CDH4: variants seen among roughly 807,000 people sequenced by gnomAD.
CDH4 encodes the protein cadherin-4.
In CDH4, 33 loss-of-function variants were observed where a neutral mutation model predicts 86.0. The observed-to-expected ratio is 0.38, with a 90% CI of 0.29 to 0.51. CDH4 has a LOEUF of 0.51. Among genes scored for constraint, CDH4 ranks in the 20% least tolerant of loss-of-function variants. CDH4 has a pLI of 0.86. For synonymous variants in CDH4, 555 were observed against 549.4 expected, an observed-to-expected ratio of 1.01 and a Z score of -0.14; for missense variants, 1,114 against 1,307.4, an observed-to-expected ratio of 0.85 and a Z score of 2.28.
At chr20:61,504,361 T>A (rs1477162690) in intron 2 of CDH4, among the ~76,000 whole-genome samples, 1 of 152,240 alleles carries the variant, frequency 6.6e-6, no homozygotes, top group Non-Finnish European at 1.5e-5. Flanking sequence ...TTTTTCTCAC[T>A]GTCTCCAGAG....
intron 2 of CDH4, among the ~76,000 whole-genome samples, chr20:61,555,161 G>A (rs1051546852): frequency 6.6e-6 from 1 of 152,202 alleles, no homozygotes; most frequent in Non-Finnish European, 1.5e-5. Flanking sequence ...CATGCATGGG[G>A]TTGCCCTTAC....
chr20:61,299,598 G>A (rs1157440264), intron 2 of CDH4, among the ~76,000 whole-genome samples: 1 of 152,122 alleles, frequency 6.6e-6, no homozygotes, highest in East Asian at 1.9e-4. Context: ...TCCTGCTAGG[G>A]CTGAAAGTTC....
chr20:61,267,649 G>A, intron 2 of CDH4, among the ~76,000 whole-genome samples: 1 of 152,152 alleles, frequency 6.6e-6, no homozygotes, highest in East Asian at 1.9e-4. Flanking sequence ...TTATAGCTCA[G>A]ATAATATCAC....
intron 2 of CDH4, among the ~76,000 whole-genome samples, chr20:61,431,789 G>T (rs1007248270): frequency 3.3e-5 from 5 of 152,062 alleles, no homozygotes; most frequent in Non-Finnish European, 5.9e-5. Context: ...TTGCCCCTTG[G>T]ACAGTCTCTC....
At chr20:61,695,593 C>T (rs929573441) in intron 2 of CDH4, among the ~76,000 whole-genome samples, 14 of 152,138 alleles carry the variant, frequency 9.2e-5, no homozygotes, top group African/African-American at 3.4e-4. Context: ...TGTGAGGTTC[C>T]ACATGGCGGT....
chr20:61,654,297 C>G (rs964692405), intron 2 of CDH4, among the ~76,000 whole-genome samples: 1 of 152,172 alleles, frequency 6.6e-6, no homozygotes, highest in Non-Finnish European at 1.5e-5. Flanking sequence ...TGGTGGCACG[C>G]GCCTGCAATC....
intron 2 of CDH4, among the ~76,000 whole-genome samples, chr20:61,652,861 G>GTTTA (rs869036069): frequency 1.2e-5 from 1 of 85,348 alleles, no homozygotes; most frequent in South Asian, 3.3e-4. Flanking sequence ...TTTTTTTTGG[G>GTTTA]GGGGGGATAA....
intron 2 of CDH4, among the ~76,000 whole-genome samples, chr20:61,479,206 T>C (rs2085555835): frequency 6.6e-6 from 1 of 150,392 alleles, no homozygotes; most frequent in African/African-American, 2.5e-5. Context: ...TGCAAGGGTG[T>C]TTTTTTTTAA....
At chr20:61,485,884 C>T (rs2085593596) in intron 2 of CDH4, among the ~76,000 whole-genome samples, 1 of 152,262 alleles carries the variant, frequency 6.6e-6, no homozygotes, top group Non-Finnish European at 1.5e-5. Flanking sequence ...ACTCCACGTT[C>T]CTCTGATCCT....
intron 7 of CDH4, among the ~76,000 whole-genome samples, chr20:61,878,086 G>A (rs868794015): frequency 6.6e-6 from 1 of 152,068 alleles, no homozygotes; most frequent in Admixed American, 6.5e-5. Context: ...GTGGCCAGGA[G>A]CTGAGCTGTA....
intron 2 of CDH4, among the ~76,000 whole-genome samples, chr20:61,467,911 A>G (rs2085482252): frequency 6.6e-6 from 1 of 152,194 alleles, no homozygotes; most frequent in Admixed American, 6.5e-5. Flanking sequence ...TATTACAGGG[A>G]AAGGACCCCA....
intron 2 of CDH4, among the ~76,000 whole-genome samples, chr20:61,670,776 T>G (rs1313845706): frequency 6.6e-6 from 1 of 152,014 alleles, no homozygotes; most frequent in Non-Finnish European, 1.5e-5. Context: ...GGGATGGAAA[T>G]GTGGGGAAGT....
intron 2 of CDH4, among the ~76,000 whole-genome samples, chr20:61,741,514 C>A (rs1443067800): frequency 1.3e-5 from 2 of 149,170 alleles, no homozygotes; most frequent in African/African-American, 5.0e-5. Context: ...TTTTTTGAGA[C>A]CGAGTCTCGC....
At chr20:61,476,296 T>C (rs2085535391) in intron 2 of CDH4, among the ~76,000 whole-genome samples, 1 of 152,256 alleles carries the variant, frequency 6.6e-6, no homozygotes. Flanking sequence ...CCCTGGTTCC[T>C]GTCCTCGGTA....
chr20:61,313,631 G>A (rs1397714601), intron 2 of CDH4, among the ~76,000 whole-genome samples: 1 of 152,208 alleles, frequency 6.6e-6, no homozygotes, highest in Admixed American at 6.5e-5. Flanking sequence ...CACAGGGGTG[G>A]TCACAGTGCA....
At chr20:61,597,486 A>G (rs1420343363) in intron 2 of CDH4, among the ~76,000 whole-genome samples, 3 of 152,170 alleles carry the variant, frequency 2.0e-5, no homozygotes, top group Admixed American at 6.5e-5. Flanking sequence ...AGATTCCCCA[A>G]TACCCCAGCT....
chr20:61,615,631 C>G (rs1317527157), intron 2 of CDH4, among the ~76,000 whole-genome samples: 1 of 152,202 alleles, frequency 6.6e-6, no homozygotes, highest in Admixed American at 6.5e-5. Flanking sequence ...CCTTTAGTCT[C>G]TGCAGTGTCT....
At chr20:61,566,006 C>T (rs1364827270) in intron 2 of CDH4, among the ~76,000 whole-genome samples, 4 of 152,214 alleles carry the variant, frequency 2.6e-5, no homozygotes, top group Non-Finnish European at 5.9e-5. Flanking sequence ...CAAGTGCCTG[C>T]CACCGACAGT....
chr20:61,414,435 G>A (rs1380876903), intron 2 of CDH4, among the ~76,000 whole-genome samples: 1 of 152,222 alleles, frequency 6.6e-6, no homozygotes, highest in Non-Finnish European at 1.5e-5. Context: ...TGGAGTCAGG[G>A]AGAGCCCTGC....
Sources: gnomAD v4.1 joint callset for allele counts (sites outside exome capture counted in the v4.1 genomes callset) on GRCh38, gnomAD v4.1.1 for gene constraint, MANE v1.5 for transcripts, NCBI Gene and HGNC (gene_info 2026-07-23, HGNC 2026-07-21) for gene names.